Variants in UNC5D observed in about 807,000 individuals in gnomAD.
UNC5D encodes unc-5 netrin receptor D, also known as netrin receptor UNC5D.
In UNC5D, 39 loss-of-function variants were observed where a neutral mutation model predicts 105.4. The ratio of observed to expected loss-of-function variants is 0.37; its 90% CI spans 0.29 to 0.48. The LOEUF is 0.48. UNC5D is among the 20% of genes least tolerant of loss of function. The probability of loss-of-function intolerance (pLI) is 0.98; values close to 1 mark genes in which losing one functional copy is unlikely to be tolerated. For missense variants in UNC5D, 991 were observed against 1,202.4 expected (o/e 0.82, Z 2.60); for synonymous variants, 452 against 450.4 (o/e 1.00, Z -0.04).
intron 1 of UNC5D, among the ~76,000 whole-genome samples, chr8:35,261,989 T>C (rs1014185481): frequency 6.6e-6 from 1 of 152,150 alleles, no homozygotes; most frequent in Non-Finnish European, 1.5e-5. Flanking sequence ...GGTTTCTTGA[T>C]CTCTTTTTAT....
At chr8:35,532,939 T>G (rs1451472077) in intron 1 of UNC5D, among the ~76,000 whole-genome samples, 3 of 127,506 alleles carry the variant, frequency 2.4e-5, no homozygotes, top group African/African-American at 9.6e-5. Flanking sequence ...ATTCTAGTTA[T>G]ACATTCTTCT....
intron 10 of UNC5D, among the ~76,000 whole-genome samples, chr8:35,728,095 A>AATATATATATATAT (rs1554596595): frequency 2.7e-5 from 3 of 110,364 alleles, no homozygotes; most frequent in African/African-American, 1.6e-4. Flanking sequence ...AAAAAAAAAA[A>AATATATATATATAT]ATATATATAT....
intron 1 of UNC5D, among the ~76,000 whole-genome samples, chr8:35,450,656 AT>A (rs1277653768): frequency 6.6e-6 from 1 of 152,158 alleles, no homozygotes; most frequent in Non-Finnish European, 1.5e-5. Flanking sequence ...GGTAATCTGC[AT>A]TTTCCTCAGT....
chr8:35,375,143 C>T (rs114768271), intron 1 of UNC5D, among the ~76,000 whole-genome samples: 9 of 152,040 alleles, frequency 5.9e-5, no homozygotes, highest in African/African-American at 9.6e-5. Context: ...CAATCCAGAG[C>T]GGGGAAAAAA....
At position 35,240,992 on chromosome 8, in the gene UNC5D, G is replaced by A. The variant is rs568140098; in HGVS notation, c.103+5105G>A. On this transcript the variant is annotated intron_variant, in intron 1 of 16. Transcript: ENST00000404895. The stretch of plus-strand genomic sequence containing the variant: ...AGAAAATATGACTCTGATTGAATAC[G>A]CCATCCATGGAACGGCAGATCCCAC... 7.3e-4 allele frequency among the ~76,000 whole-genome samples: 111 copies of A among 152,152 alleles called. 1 individual carries two copies. The highest frequency in any genetic ancestry group is 2.4e-3 in the Admixed American group (36 of 15,278).
At chr8:35,734,876 A>G (rs974910935) in intron 11 of UNC5D, among the ~76,000 whole-genome samples, 1 of 143,804 alleles carries the variant, frequency 7.0e-6, no homozygotes, top group Non-Finnish European at 1.5e-5. Context: ...TCTGCCTCCC[A>G]GGTTCAAGTG....
chr8:35,540,674 A>T (rs981343173), intron 1 of UNC5D, among the ~76,000 whole-genome samples: 3 of 152,158 alleles, frequency 2.0e-5, no homozygotes, highest in African/African-American at 7.2e-5. Context: ...GTATGTTTCC[A>T]TTAGGGGACA....
intron 1 of UNC5D, among the ~76,000 whole-genome samples, chr8:35,293,434 G>A (rs1343658741): frequency 6.6e-6 from 1 of 152,114 alleles, no homozygotes; most frequent in East Asian, 1.9e-4. Context: ...ATGTCAATTT[G>A]TTTTCTGGCA....
chr8:35,419,890 C>G (rs28545269), intron 1 of UNC5D, among the ~76,000 whole-genome samples: 7,508 of 152,130 alleles, frequency 0.049, 210 homozygotes, highest in African/African-American at 0.073. Flanking sequence ...CAGAACAGCT[C>G]TCGACACAAT....
chr8:35,431,158 C>A (rs1806606023), intron 1 of UNC5D, among the ~76,000 whole-genome samples: 1 of 152,036 alleles, frequency 6.6e-6, no homozygotes, highest in Non-Finnish European at 1.5e-5. Flanking sequence ...GCTTCAGTTT[C>A]CATTTTCAAA....
At chr8:35,564,147 T>A (rs1817159906) in intron 2 of UNC5D, among the ~76,000 whole-genome samples, 2 of 140,918 alleles carry the variant, frequency 1.4e-5, no homozygotes, top group Non-Finnish European at 3.0e-5. Context: ...TTCTCTCCTC[T>A]TCAATTTTTT....
chr8:35,399,991 C>T (rs184040515), intron 1 of UNC5D, among the ~76,000 whole-genome samples: 1 of 152,268 alleles, frequency 6.6e-6, no homozygotes, highest in Admixed American at 6.5e-5. Context: ...GAAACTACCA[C>T]TTCTTCTGCC....
chr8:35,381,067 ATG>A (rs537829138), intron 1 of UNC5D, among the ~76,000 whole-genome samples: 13 of 150,676 alleles, frequency 8.6e-5, no homozygotes, highest in South Asian at 8.5e-4. Flanking sequence ...AAGTGAGTGA[ATG>A]TGTGTGTGTG....
At chr8:35,783,163 G>A (rs893842906) in intron 16 of UNC5D, among the ~76,000 whole-genome samples, 1 of 137,528 alleles carries the variant, frequency 7.3e-6, no homozygotes, top group African/African-American at 3.3e-5. Flanking sequence ...AAAAAAAAAA[G>A]AGTCATATGT....
chr8:35,313,426 G>A (rs887407507), intron 1 of UNC5D, among the ~76,000 whole-genome samples: 1 of 152,122 alleles, frequency 6.6e-6, no homozygotes. Context: ...ATAGAACCAA[G>A]TCCCAGGTGA....
At chr8:35,402,634 A>G (rs1388283518) in intron 1 of UNC5D, among the ~76,000 whole-genome samples, 1 of 152,120 alleles carries the variant, frequency 6.6e-6, no homozygotes, top group Non-Finnish European at 1.5e-5. Flanking sequence ...TGGTCTGTTC[A>G]CCAACTCGGT....
At chr8:35,283,663 G>A (rs1563278345) in intron 1 of UNC5D, among the ~76,000 whole-genome samples, 1 of 152,062 alleles carries the variant, frequency 6.6e-6, no homozygotes, top group African/African-American at 2.4e-5. Context: ...AATTAGCTGG[G>A]CATGGTGGCA....
intron 1 of UNC5D, among the ~76,000 whole-genome samples, chr8:35,512,562 T>TAG: frequency 1.0e-5 from 1 of 96,024 alleles, no homozygotes; most frequent in Middle Eastern, 5.1e-3. Flanking sequence ...TATATATATA[T>TAG]ATATATATCT....
At chr8:35,441,357 A>G (rs1345513303) in intron 1 of UNC5D, among the ~76,000 whole-genome samples, 1 of 151,954 alleles carries the variant, frequency 6.6e-6, no homozygotes, top group Non-Finnish European at 1.5e-5. Flanking sequence ...TTAGTTATTA[A>G]TCTCTTACTG....
Sources: gnomAD v4.1 joint callset for allele counts (sites outside exome capture counted in the v4.1 genomes callset) on GRCh38, gnomAD v4.1.1 for gene constraint, MANE v1.5 for transcripts, NCBI Gene and HGNC (gene_info 2026-07-23, HGNC 2026-07-21) for gene names.